DNM3: variants seen among roughly 807,000 people sequenced by gnomAD.
The protein encoded by DNM3 is dynamin-3.
In DNM3, 47 loss-of-function variants were observed where a neutral mutation model predicts 101.6. The ratio of observed to expected loss-of-function variants is 0.46; its 90% CI spans 0.37 to 0.59. DNM3 has a LOEUF of 0.59. Ranked by LOEUF, DNM3 falls within the 20% of genes least tolerant of loss-of-function variation. The pLI, the probability that DNM3 is intolerant of heterozygous loss-of-function variation, is 0.00. For synonymous variants in DNM3, 385 were observed against 387.9 expected (o/e 0.99, Z 0.09); for missense variants, 849 against 1,085.7 (o/e 0.78, Z 3.06).
downstream of DNM3, among the ~76,000 whole-genome samples, chr1:172,415,711 G>T (rs1224640234): frequency 6.6e-6 from 1 of 151,796 alleles, no homozygotes; most frequent in Non-Finnish European, 1.5e-5. Flanking sequence ...TGCATTTTTA[G>T]TAGAGACGGC....
At chr1:172,212,486 C>T (rs2060548036) in intron 14 of DNM3, among the ~76,000 whole-genome samples, 1 of 152,142 alleles carries the variant, frequency 6.6e-6, no homozygotes, top group Non-Finnish European at 1.5e-5. Flanking sequence ...TTAACCTATT[C>T]CTTATCTTTA....
chr1:172,268,743 G>T (rs776637346), intron 15 of DNM3, among the ~76,000 whole-genome samples: 6 of 152,134 alleles, frequency 3.9e-5, no homozygotes, highest in Admixed American at 1.3e-4. Flanking sequence ...AAATGCCTGT[G>T]ACTTAAAGCA....
At chr1:172,104,459 A>T (rs1254003432) in intron 13 of DNM3, among the ~76,000 whole-genome samples, 1 of 152,104 alleles carries the variant, frequency 6.6e-6, no homozygotes, top group Non-Finnish European at 1.5e-5. Context: ...GACCACTAGT[A>T]TCTTCTGTTT....
At position 172,092,880 on chromosome 1, in the gene DNM3, G is replaced by T; in HGVS notation, c.1545+5G>T. The T allele has an allele frequency of 6.4e-7, 1 of 1,557,006 alleles. No individual in the cohort carries two copies. Among genetic ancestry groups the T allele is most frequent in the Admixed American group, 1.9e-5 (1 of 51,678 alleles). On this transcript the variant is annotated splice_donor_5th_base_variant and intron_variant, in intron 13 of 20. Transcript: ENST00000627582. ...AAAACCACAGTTGGAAATCAGGTAGGAATTGCATAAGAGAATCAGTGTATG... is the reference window on the plus strand; with the variant it reads ...AAAACCACAGTTGGAAATCAGGTAGTAATTGCATAAGAGAATCAGTGTATG...
chr1:172,015,539 A>G (rs1335398095), intron 4 of DNM3, among the ~76,000 whole-genome samples: 1 of 152,134 alleles, frequency 6.6e-6, no homozygotes, highest in African/African-American at 2.4e-5. Context: ...TAATGTAAAT[A>G]GTAATGTACT....
At chr1:171,914,055 A>G (rs924862842) in intron 1 of DNM3, among the ~76,000 whole-genome samples, 10 of 151,946 alleles carry the variant, frequency 6.6e-5, no homozygotes, top group Non-Finnish European at 1.5e-4. Context: ...CTCCCAAAGT[A>G]TTAAAATTAC....
chr1:171,953,132 A>C (rs1022795519), intron 2 of DNM3, among the ~76,000 whole-genome samples: 5 of 152,236 alleles, frequency 3.3e-5, no homozygotes, highest in Non-Finnish European at 5.9e-5. Context: ...TAAGGTATCT[A>C]GAGGACTAAC....
At chr1:172,109,713 T>C (rs1484161836) in intron 13 of DNM3, among the ~76,000 whole-genome samples, 2 of 152,224 alleles carry the variant, frequency 1.3e-5, no homozygotes, top group Non-Finnish European at 2.9e-5. Flanking sequence ...CCAGGGCCTC[T>C]CCATTTCCCA....
chr1:172,129,348 A>G (rs2056811510), intron 13 of DNM3, among the ~76,000 whole-genome samples: 1 of 152,216 alleles, frequency 6.6e-6, no homozygotes. Context: ...GGTTTCATAT[A>G]TATACATTCT....
intron 1 of DNM3, among the ~76,000 whole-genome samples, chr1:171,842,919 A>T (rs10798695): frequency 3.9e-5 from 6 of 152,050 alleles, no homozygotes; most frequent in Non-Finnish European, 5.9e-5. Context: ...TTTCCTAGTA[A>T]TAGAAAACCA....
At chr1:171,996,754 C>T (rs916294167) in intron 4 of DNM3, among the ~76,000 whole-genome samples, 3 of 152,020 alleles carry the variant, frequency 2.0e-5, no homozygotes, top group African/African-American at 7.2e-5. Context: ...ATTGGCTCGG[C>T]ATGGTGGCTC....
chr1:172,157,236 C>T (rs1168954890), intron 14 of DNM3, among the ~76,000 whole-genome samples: 1 of 152,014 alleles, frequency 6.6e-6, no homozygotes, highest in Non-Finnish European at 1.5e-5. Context: ...AACACACACC[C>T]TAGATCCCTT....
rs1156785707 is a variant in DNM3, at chr1:172,042,233, T to C, written c.1128+89T>C. 9.2e-6 allele frequency: 12 copies of C among 1,305,898 alleles called. No individual in the cohort carries two copies. The Admixed American group carries it at 3.9e-4, about 43-fold the overall frequency. 80.9% of individuals were successfully genotyped at this position (1,305,898 alleles called of 1,614,324 possible). ...TTAATACAATATTGTGTGAGTGGTA[T>C]AGAACTAACATAGTTCTTTGAACAA... On this transcript the variant is annotated intron_variant, in intron 8 of 20. Coordinates refer to ENST00000627582, the MANE Select transcript of DNM3 (RefSeq NM_015569.5).
At chr1:172,058,987 A>G (rs2050903649) in intron 10 of DNM3, among the ~76,000 whole-genome samples, 1 of 152,230 alleles carries the variant, frequency 6.6e-6, no homozygotes, top group South Asian at 2.1e-4. Context: ...AATCAAATAG[A>G]CGCAATAAAA....
intron 10 of DNM3, among the ~76,000 whole-genome samples, chr1:172,051,682 T>C (rs1348122354): frequency 6.6e-6 from 1 of 152,222 alleles, no homozygotes; most frequent in Non-Finnish European, 1.5e-5. Flanking sequence ...TGCTGACAGA[T>C]CTAGGTTGGA....
At chr1:171,988,866 G>A (rs192388726) in intron 3 of DNM3, 79 bp from the exon 4 acceptor site, 2 of 1,281,588 alleles carry the variant, frequency 1.6e-6, no homozygotes, top group East Asian at 2.6e-5. Context: ...AGAAGGCTGA[G>A]CTAAGTGACA....
In DNM3 at chr1:172,068,918, C is replaced by T. The variant is rs751002622; in HGVS notation, c.1422+13C>T. ...GACAAAGGACCAGGTAAAGAGAGGT[C>T]TTCCCTGGTGGGCAGGGAGATTGTG... On this transcript the variant is annotated intron_variant, in intron 11 of 20. Coordinates refer to ENST00000627582, the MANE Select transcript of DNM3 (RefSeq NM_015569.5). 7.7e-6 allele frequency: 12 copies of T among 1,553,746 alleles called. No homozygotes were observed. The highest frequency in any genetic ancestry group is 9.6e-6 in the Non-Finnish European group (11 of 1,147,890).
At chr1:172,088,591 C>T (rs1216662285) in intron 12 of DNM3, among the ~76,000 whole-genome samples, 7 of 151,994 alleles carry the variant, frequency 4.6e-5, no homozygotes, top group Non-Finnish European at 1.0e-4. Context: ...TTGGATAATT[C>T]TACCATAATA....
At chr1:172,025,729 AAACT>A (rs1373719414) in intron 4 of DNM3, among the ~76,000 whole-genome samples, 6 of 152,222 alleles carry the variant, frequency 3.9e-5, no homozygotes, top group Non-Finnish European at 8.8e-5. Flanking sequence ...GTTAGAAGGA[AAACT>A]AACAAATCAG....
Sources: gnomAD v4.1 joint callset for allele counts (sites outside exome capture counted in the v4.1 genomes callset) on GRCh38, gnomAD v4.1.1 for gene constraint, MANE v1.5 for transcripts, NCBI Gene and HGNC (gene_info 2026-07-23, HGNC 2026-07-21) for gene names.